LYPLAL1: variants seen among roughly 807,000 people sequenced by gnomAD.
LYPLAL1 encodes lysophospholipase like 1.
Under a neutral mutation model 19.7 loss-of-function variants are expected in LYPLAL1, and 23 were observed. That is an observed-to-expected ratio of 1.17 (90% CI 0.84 to 1.65). The LOEUF is 1.65. Among genes scored for constraint, LYPLAL1 ranks in the 40% most tolerant of loss-of-function variants. The probability of loss-of-function intolerance (pLI) is 0.00; values close to 1 mark genes in which losing one functional copy is unlikely to be tolerated. For missense variants in LYPLAL1, 355 were observed against 279.4 expected (o/e 1.27, Z -1.93); for synonymous variants, 119 against 96.3 (o/e 1.24, Z -1.38).
At chr1:219,207,000 C>T (rs542049041) in intron 3 of LYPLAL1, among the ~76,000 whole-genome samples, 7 of 151,702 alleles carry the variant, frequency 4.6e-5, no homozygotes, top group Admixed American at 6.6e-5. Flanking sequence ...TTCAATCATT[C>T]GTACAGCTTA....
the LYPLAL1 span, among the ~76,000 whole-genome samples, chr1:219,219,042 T>C: frequency 6.6e-6 from 1 of 152,154 alleles, no homozygotes; most frequent in African/African-American, 2.4e-5. Context: ...AGTACACGGA[T>C]TCCACTTTGG....
At chr1:219,410,267 C>T in the LYPLAL1 span, 1 of 152,146 alleles carries the variant, frequency 6.6e-6, no homozygotes, top group African/African-American at 2.4e-5. Flanking sequence ...TTACTAGCAA[C>T]CTGTAGAGGA....
the LYPLAL1 span, among the ~76,000 whole-genome samples, chr1:219,376,774 G>T: frequency 1.3e-5 from 2 of 152,080 alleles, no homozygotes; most frequent in African/African-American, 4.8e-5. Context: ...ATCACTTCAC[G>T]ATCATTAGAA....
At chr1:219,229,446 C>T in the LYPLAL1 span, among the ~76,000 whole-genome samples, 3 of 152,142 alleles carry the variant, frequency 2.0e-5, no homozygotes, top group Admixed American at 2.0e-4. Flanking sequence ...TTCTGGCTCC[C>T]CCATCTGCTG....
At chr1:219,361,937 A>T in the LYPLAL1 span, among the ~76,000 whole-genome samples, 2 of 152,096 alleles carry the variant, frequency 1.3e-5, no homozygotes, top group Admixed American at 1.3e-4. Flanking sequence ...TCTCTCCTGC[A>T]TTTGGAAAGA....
At chr1:219,179,973 AT>A (rs911354251) in intron 2 of LYPLAL1, among the ~76,000 whole-genome samples, 7 of 151,188 alleles carry the variant, frequency 4.6e-5, no homozygotes, top group African/African-American at 1.5e-4. Flanking sequence ...TCTGTTCTTG[AT>A]TTTTTTTTGT....
chr1:219,203,494 G>C (rs1381120452), intron 3 of LYPLAL1, among the ~76,000 whole-genome samples: 3 of 152,154 alleles, frequency 2.0e-5, no homozygotes, highest in African/African-American at 7.2e-5. Context: ...TACTGTACAG[G>C]TATTATTGAA....
At chr1:219,198,548 T>A (rs548795231) in intron 3 of LYPLAL1, 80 of 152,220 alleles carry the variant, frequency 5.3e-4, no homozygotes, top group African/African-American at 1.9e-3. Flanking sequence ...GAAAATAAAT[T>A]TAACATTCAC....
the LYPLAL1 span, among the ~76,000 whole-genome samples, chr1:219,410,867 C>G: frequency 3.3e-5 from 5 of 152,250 alleles, no homozygotes; most frequent in African/African-American, 1.2e-4. Context: ...GATTTCTCGC[C>G]GGGCCTTGGC....
At chr1:219,317,817 C>T in the LYPLAL1 span, among the ~76,000 whole-genome samples, 1 of 152,104 alleles carries the variant, frequency 6.6e-6, no homozygotes, top group South Asian at 2.1e-4. Flanking sequence ...ATGCTTTTAG[C>T]CTAGGCATCC....
At position 219,210,659 on chromosome 1, in the gene LYPLAL1, A is replaced by AT; in HGVS notation, c.477+15dup. 1 of 1,590,894 alleles carries AT rather than the reference A, an allele frequency of 6.3e-7. No individual in the cohort carries two copies. The highest frequency in any genetic ancestry group is 8.5e-7 in the Non-Finnish European group (1 of 1,171,682). Reference sequence around the variant, plus strand: ...CTGCTGTTTACCAGGTAAGTTCCAGATTTAAAAAAAAATGAAAAAAATATG... The same window carrying AT: ...CTGCTGTTTACCAGGTAAGTTCCAGATTTTAAAAAAAAATGAAAAAAATATG... On this transcript the variant is annotated intron_variant, in intron 4 of 4. Coordinates refer to ENST00000366928, the MANE Select transcript of LYPLAL1 (RefSeq NM_138794.5).
chr1:219,242,806 G>T, the LYPLAL1 span, among the ~76,000 whole-genome samples: 1 of 151,922 alleles, frequency 6.6e-6, no homozygotes, highest in African/African-American at 2.4e-5. Flanking sequence ...TTGGAGATGG[G>T]CAAATAACAG....
At chr1:219,382,169 G>T in the LYPLAL1 span, among the ~76,000 whole-genome samples, 3 of 152,182 alleles carry the variant, frequency 2.0e-5, no homozygotes, top group African/African-American at 7.2e-5. Context: ...GTATAAGGTT[G>T]CCCTCTCTGG....
chr1:219,334,628 ATAAT>A, the LYPLAL1 span, among the ~76,000 whole-genome samples: 1 of 151,874 alleles, frequency 6.6e-6, no homozygotes, highest in African/African-American at 2.4e-5. Context: ...TGATAAAGAA[ATAAT>A]TGTAAAATTT....
chr1:219,418,937 T>C, the LYPLAL1 span, among the ~76,000 whole-genome samples: 1 of 152,248 alleles, frequency 6.6e-6, no homozygotes, highest in Non-Finnish European at 1.5e-5. Flanking sequence ...TTTTATTCAG[T>C]AATATGCATT....
At chr1:219,307,381 C>T in the LYPLAL1 span, among the ~76,000 whole-genome samples, 1 of 152,054 alleles carries the variant, frequency 6.6e-6, no homozygotes, top group Non-Finnish European at 1.5e-5. Flanking sequence ...TCTTCCAAAC[C>T]CAAGTCCCTG....
chr1:219,207,621 A>G (rs1658676513), intron 3 of LYPLAL1, among the ~76,000 whole-genome samples: 1 of 152,076 alleles, frequency 6.6e-6, no homozygotes, highest in Admixed American at 6.5e-5. Flanking sequence ...TGTTGTAAGC[A>G]TAGAGGGATA....
At chr1:219,393,969 T>C in the LYPLAL1 span, among the ~76,000 whole-genome samples, 2 of 151,908 alleles carry the variant, frequency 1.3e-5, no homozygotes, top group Non-Finnish European at 2.9e-5. Context: ...AATGTTTTTA[T>C]GTTTTTGTAT....
At chr1:219,174,752 CCCCAGTGCTTGG>C (rs1387551912) in intron 1 of LYPLAL1, among the ~76,000 whole-genome samples, 1 of 152,068 alleles carries the variant, frequency 6.6e-6, no homozygotes, top group Non-Finnish European at 1.5e-5. Flanking sequence ...ACCTTTGCAC[CCCCAGTGCTTGG>C]CCCAGGGTAA....
Sources: allele counts gnomAD v4.1 joint callset (sites outside exome capture counted in the v4.1 genomes callset), GRCh38; gene constraint gnomAD v4.1.1; transcripts MANE v1.5; gene names NCBI Gene and HGNC (gene_info 2026-07-23, HGNC 2026-07-21).